DLGAP2: variants seen among roughly 807,000 people sequenced by gnomAD.
DLGAP2 encodes the protein DLG associated protein 2.
A neutral mutation model predicts 100.3 loss-of-function variants in DLGAP2; 26 were observed. The observed-to-expected ratio is 0.26, with a 90% confidence interval of 0.19 to 0.36. The LOEUF is 0.36. Ranked by LOEUF, DLGAP2 falls within the 10% of genes least tolerant of loss-of-function variation. DLGAP2 has a pLI of 1.00. For missense variants in DLGAP2, 1,858 were observed against 1,453.2 expected, an observed-to-expected ratio of 1.28 and a Z score of -4.53; for synonymous variants, 886 against 630.1, an observed-to-expected ratio of 1.41 and a Z score of -6.08.
chr8:1,066,853 C>T (rs895054849), intron 2 of DLGAP2, among the ~76,000 whole-genome samples: 3 of 152,192 alleles, frequency 2.0e-5, no homozygotes, highest in Non-Finnish European at 2.9e-5. Flanking sequence ...AGAGCTGCGG[C>T]CCAGTATAGT....
chr8:1,493,743 G>A (rs1584952838), intron 3 of DLGAP2, among the ~76,000 whole-genome samples: 1 of 152,236 alleles, frequency 6.6e-6, no homozygotes, highest in East Asian at 1.9e-4. Flanking sequence ...CCATCTCCCT[G>A]GGCAGCGGCT....
chr8:1,354,044 G>A (rs979486959), intron 3 of DLGAP2, among the ~76,000 whole-genome samples: 2 of 152,178 alleles, frequency 1.3e-5, no homozygotes, highest in Admixed American at 1.3e-4. Flanking sequence ...ATAGAAGGAT[G>A]AATAGGTGCA....
At chr8:1,169,065 G>A (rs1298195864) in intron 2 of DLGAP2, among the ~76,000 whole-genome samples, 4 of 149,030 alleles carry the variant, frequency 2.7e-5, no homozygotes, top group Admixed American at 6.7e-5. Flanking sequence ...TGTATAAGGT[G>A]TAAGGAAGGG....
intron 2 of DLGAP2, among the ~76,000 whole-genome samples, chr8:1,149,616 A>G (rs993663986): frequency 3.3e-5 from 5 of 152,162 alleles, no homozygotes; most frequent in Admixed American, 2.6e-4. Context: ...CTTTAAGCAT[A>G]TAGTTGTTTC....
chr8:1,242,917 C>T (rs1020590255), intron 2 of DLGAP2, among the ~76,000 whole-genome samples: 1 of 119,702 alleles, frequency 8.4e-6, no homozygotes, highest in African/African-American at 3.2e-5. Flanking sequence ...GATGGATGGA[C>T]AGATAGACAG....
At position 754,571 on chromosome 8, in the gene DLGAP2, C is replaced by T. The variant is rs75638256; in HGVS notation, c.18+16746C>T. On this transcript the variant is annotated intron_variant, in intron 1 of 14. Coordinates refer to ENST00000637795, the MANE Select transcript of DLGAP2 (RefSeq NM_001346810.2). ...GAATAGGGATTGAAAAGCAGTGTGC[C>T]TGCCCAGGTGCGGGGCTTACACCTG... Among the ~76,000 whole-genome samples, 56 of 152,300 alleles carry T rather than the reference C, an allele frequency of 3.7e-4. No homozygotes were observed. The East Asian group carries it at 9.1e-3, about 25-fold the overall frequency.
At chr8:1,012,765 C>T (rs1201246958) in intron 2 of DLGAP2, among the ~76,000 whole-genome samples, 4 of 136,666 alleles carry the variant, frequency 2.9e-5, no homozygotes, top group Non-Finnish European at 3.2e-5. Flanking sequence ...GGACACCCTC[C>T]GACCAGCCCC....
intron 6 of DLGAP2, among the ~76,000 whole-genome samples, chr8:1,601,556 C>G (rs11775709): frequency 0.42 from 63,917 of 151,970 alleles, 13,522 homozygotes; most frequent in Non-Finnish European, 0.42. Context: ...GCCTTTCTTT[C>G]AGAGATGCCC....
intron 1 of DLGAP2, 176 bp downstream of exon 1, chr8:738,001 A>T (rs1255616152): frequency 3.1e-6 from 1 of 320,984 alleles, no homozygotes; most frequent in Non-Finnish European, 5.6e-6. Context: ...CCCCAGGGAC[A>T]GCCTGTGCTC....
intron 5 of DLGAP2, among the ~76,000 whole-genome samples, chr8:1,554,459 C>T (rs1363344616): frequency 6.6e-6 from 1 of 152,162 alleles, no homozygotes; most frequent in Non-Finnish European, 1.5e-5. Flanking sequence ...CCTCCTGCCA[C>T]AGGCCCACCT....
chr8:896,481 C>A (rs1798144295), intron 1 of DLGAP2, among the ~76,000 whole-genome samples: 1 of 152,078 alleles, frequency 6.6e-6, no homozygotes, highest in Admixed American at 6.5e-5. Flanking sequence ...GGGTACCCAT[C>A]CGACATCTAA....
intron 1 of DLGAP2, among the ~76,000 whole-genome samples, chr8:851,194 T>C (rs1235389615): frequency 1.3e-5 from 2 of 152,252 alleles, no homozygotes; most frequent in Non-Finnish European, 2.9e-5. Context: ...TCACACACTG[T>C]GCAGGTGTGC....
At chr8:1,515,024 GACGTGCAGGGAGACCA>G (rs1355491164) in intron 4 of DLGAP2, among the ~76,000 whole-genome samples, 113 of 151,620 alleles carry the variant, frequency 7.5e-4, no homozygotes, top group African/African-American at 8.7e-4. Flanking sequence ...GAGGGAGACC[GACGTGCAGGGAGACCA>G]ACGTGCAGGG....
chr8:896,895 A>T (rs1226218902), intron 1 of DLGAP2, among the ~76,000 whole-genome samples: 2 of 152,094 alleles, frequency 1.3e-5, no homozygotes, highest in Non-Finnish European at 2.9e-5. Context: ...TTGTGTTTTG[A>T]AGAGTCTTCA....
intron 3 of DLGAP2, among the ~76,000 whole-genome samples, chr8:1,346,275 G>C (rs1801553143): frequency 6.6e-6 from 1 of 151,580 alleles, no homozygotes; most frequent in South Asian, 2.1e-4. Context: ...TGTGGATGTT[G>C]AGTTCCCATA....
intron 3 of DLGAP2, among the ~76,000 whole-genome samples, chr8:1,482,791 G>T (rs2130251570): frequency 6.6e-6 from 1 of 152,382 alleles, no homozygotes; most frequent in East Asian, 1.9e-4. Flanking sequence ...AGCCGTGCGT[G>T]GATGTGGGGA....
At chr8:951,215 T>C (rs1379580199) in intron 2 of DLGAP2, among the ~76,000 whole-genome samples, 2 of 152,218 alleles carry the variant, frequency 1.3e-5, no homozygotes, top group Non-Finnish European at 2.9e-5. Context: ...TTGTTTCTGA[T>C]ATTTTGTTAC....
intron 1 of DLGAP2, among the ~76,000 whole-genome samples, chr8:847,852 C>T (rs560763652): frequency 6.6e-6 from 1 of 152,156 alleles, no homozygotes; most frequent in South Asian, 2.1e-4. Context: ...TGAATTTCTG[C>T]TCCTGTCTTT....
Position 1,266,835 on chromosome 8 carries a change from T to C in DLGAP2, c.106+7952T>C, listed in dbSNP as rs141666473. Among the ~76,000 whole-genome samples, 1,021 of 152,212 alleles carry C rather than the reference T, an allele frequency of 6.7e-3. 8 individuals carry two copies. The highest frequency in any genetic ancestry group is 0.028 in the South Asian group (135 of 4,816). On this transcript the variant is annotated intron_variant, in intron 3 of 14. Coordinates refer to ENST00000637795, the MANE Select transcript of DLGAP2 (RefSeq NM_001346810.2). The stretch of plus-strand genomic sequence containing the variant: ...TGGAATACATGCCCTCTCCCCATTG[T>C]GTGTGCAGCTTCTGCTTGGATAATG...
Sources: gnomAD v4.1 joint callset for allele counts (sites outside exome capture counted in the v4.1 genomes callset) on GRCh38, gnomAD v4.1.1 for gene constraint, MANE v1.5 for transcripts, NCBI Gene and HGNC (gene_info 2026-07-23, HGNC 2026-07-21) for gene names.